The following WDR70 variants were observed in gnomAD, a reference collection of about 807,000 sequenced individuals.
WDR70 encodes the protein WD repeat-containing protein 70.
In WDR70, 53 loss-of-function variants were observed where a neutral mutation model predicts 88.6. The ratio of observed to expected loss-of-function variants is 0.60; its 90% CI spans 0.48 to 0.75. The LOEUF is 0.75. WDR70 is among the 30% of genes least tolerant of loss of function. The probability of loss-of-function intolerance (pLI) is 0.00; values close to 1 mark genes in which losing one functional copy is unlikely to be tolerated. For synonymous variants in WDR70, 280 were observed against 270.0 expected, an observed-to-expected ratio of 1.04 and a Z score of -0.36; for missense variants, 610 against 823.2, an observed-to-expected ratio of 0.74 and a Z score of 3.17.
At chr5:37,539,202 C>G (rs752605275) in intron 9 of WDR70, among the ~76,000 whole-genome samples, 2 of 152,148 alleles carry the variant, frequency 1.3e-5, no homozygotes, top group Non-Finnish European at 2.9e-5. Flanking sequence ...GATACTTCTG[C>G]CACTTCTAAT....
At chr5:37,748,065 A>G (rs1308610980) in intron 17 of WDR70, among the ~76,000 whole-genome samples, 1 of 152,242 alleles carries the variant, frequency 6.6e-6, no homozygotes. Context: ...CATACTACCC[A>G]AAGTAATTTA....
chr5:37,526,081 T>G (rs962948308), intron 9 of WDR70, among the ~76,000 whole-genome samples: 1 of 152,226 alleles, frequency 6.6e-6, no homozygotes, highest in Non-Finnish European at 1.5e-5. Context: ...CCATTCCTTC[T>G]GAAACCGTTC....
chr5:37,669,980 A>G (rs563619431), intron 10 of WDR70, among the ~76,000 whole-genome samples: 1 of 152,240 alleles, frequency 6.6e-6, no homozygotes, highest in Admixed American at 6.5e-5. Flanking sequence ...AAATCTACAC[A>G]GAAACTAAAT....
At chr5:37,380,890 G>A (rs1447168065) in intron 2 of WDR70, among the ~76,000 whole-genome samples, 6 of 152,046 alleles carry the variant, frequency 3.9e-5, no homozygotes, top group Admixed American at 1.3e-4. Context: ...CAAGCAGTCC[G>A]CCCACCTGAG....
At chr5:37,625,188 A>T (rs1260455898) in intron 10 of WDR70, among the ~76,000 whole-genome samples, 3 of 152,160 alleles carry the variant, frequency 2.0e-5, no homozygotes, top group Admixed American at 6.5e-5. Context: ...CTGAGCCCTA[A>T]AAAATGTATA....
At chr5:37,537,848 A>G (rs1197719931) in intron 9 of WDR70, among the ~76,000 whole-genome samples, 2 of 152,194 alleles carry the variant, frequency 1.3e-5, no homozygotes, top group African/African-American at 4.8e-5. Flanking sequence ...GGAAAACTGC[A>G]TGGATTGTCG....
intron 9 of WDR70, among the ~76,000 whole-genome samples, chr5:37,517,397 C>T (rs1309445945): frequency 4.3e-5 from 6 of 139,462 alleles, no homozygotes; most frequent in East Asian, 4.2e-4. Context: ...GATGGAGTTT[C>T]GCTCTTGTTG....
At chr5:37,749,589 A>G (rs1227801731) in intron 17 of WDR70, among the ~76,000 whole-genome samples, 1 of 152,168 alleles carries the variant, frequency 6.6e-6, no homozygotes, top group Non-Finnish European at 1.5e-5. Context: ...CATACGTATA[A>G]TGTGGCCATT....
At chr5:37,724,169 T>C (rs576009009) in intron 15 of WDR70, 15 of 152,264 alleles carry the variant, frequency 9.9e-5, no homozygotes, top group African/African-American at 3.1e-4. Flanking sequence ...AAGGGAGTTA[T>C]TTAATACTTC....
intron 10 of WDR70, among the ~76,000 whole-genome samples, chr5:37,664,667 A>G (rs1745789265): frequency 6.6e-6 from 1 of 152,136 alleles, no homozygotes; most frequent in South Asian, 2.1e-4. Context: ...TATTGTAGAT[A>G]TTTGTTTTGA....
At chr5:37,733,428 A>G (rs1173314584) in intron 17 of WDR70, among the ~76,000 whole-genome samples, 1 of 152,062 alleles carries the variant, frequency 6.6e-6, no homozygotes, top group Admixed American at 6.6e-5. Flanking sequence ...TAGAGTTCTA[A>G]TTTACTTATT....
intron 10 of WDR70, among the ~76,000 whole-genome samples, chr5:37,695,780 C>A (rs1237256436): frequency 2.0e-5 from 3 of 152,166 alleles, no homozygotes; most frequent in South Asian, 4.1e-4. Flanking sequence ...TGACTAGTAA[C>A]CATAATTACA....
chr5:37,524,077 C>G (rs1256211947), intron 9 of WDR70, among the ~76,000 whole-genome samples: 2 of 152,266 alleles, frequency 1.3e-5, no homozygotes. Flanking sequence ...TCCAGGAGAA[C>G]TTCCCCAACC....
intron 9 of WDR70, among the ~76,000 whole-genome samples, chr5:37,589,241 TACACACATACACACAC>T (rs2112442676): frequency 1.4e-5 from 1 of 70,656 alleles, no homozygotes; most frequent in African/African-American, 5.1e-5. Context: ...CATATATACC[TACACACATACACACAC>T]ACACACACAC....
intron 9 of WDR70, among the ~76,000 whole-genome samples, chr5:37,596,602 A>G (rs1243407199): frequency 6.6e-6 from 1 of 152,188 alleles, no homozygotes; most frequent in Non-Finnish European, 1.5e-5. Flanking sequence ...GAGCAATAGA[A>G]TAGAAGGTAC....
In WDR70 at chr5:37,753,071, T is replaced by C. The variant is rs1748858857; in HGVS notation, c.*498T>C. On this transcript the variant is annotated 3_prime_UTR_variant, in exon 18 of 18. Coordinates refer to ENST00000265107, the MANE Select transcript of WDR70 (RefSeq NM_018034.4). ...AGAGCATTATCTCATTATCCTTCAA[T>C]AGCAGAATACAGTGGTTAAGAGTTA... 1 of 153,858 alleles carries C rather than the reference T, an allele frequency of 6.5e-6. No individual in the cohort carries two copies. The highest frequency in any genetic ancestry group is 2.4e-5 in the African/African-American group (1 of 41,478). The allele number at this position is 153,858 out of a possible 1,614,324, so 9.5% of individuals were successfully genotyped here.
At chr5:37,498,150 T>G (rs1740287908) in intron 8 of WDR70, among the ~76,000 whole-genome samples, 3 of 152,168 alleles carry the variant, frequency 2.0e-5, no homozygotes, top group Admixed American at 2.0e-4. Flanking sequence ...TGAATTTTAC[T>G]TCTCTATTCA....
Position 37,605,256 on chromosome 5 carries a change from T to G in WDR70, c.1092+18T>G, listed in dbSNP as rs759367039. On this transcript the variant is annotated intron_variant, in intron 10 of 17. Transcript: ENST00000265107. ...ATTTGACTGTAAGTTAAATCTTTTC[T>G]TAGAACATGGCCACCTTAAATCTTT... The G allele has an allele frequency of 3.2e-6, 5 of 1,587,142 alleles. No homozygotes were observed. The East Asian group carries it at 1.1e-4, about 36-fold the overall frequency.
At chr5:37,435,058 A>G (rs1561850961) in intron 5 of WDR70, among the ~76,000 whole-genome samples, 3 of 152,206 alleles carry the variant, frequency 2.0e-5, no homozygotes, top group Non-Finnish European at 4.4e-5. Context: ...TATGCCATGC[A>G]TGACTTCCAG....
Sources: gnomAD v4.1 joint callset for allele counts (sites outside exome capture counted in the v4.1 genomes callset) on GRCh38, gnomAD v4.1.1 for gene constraint, MANE v1.5 for transcripts, NCBI Gene and HGNC (gene_info 2026-07-23, HGNC 2026-07-21) for gene names.